MROH1: variants seen among roughly 807,000 people sequenced by gnomAD.
The protein encoded by MROH1 is maestro heat-like repeat-containing protein family member 1.
In MROH1, 117 loss-of-function variants were observed where a neutral mutation model predicts 116.5. That is an observed-to-expected ratio of 1.00 (90% CI 0.86 to 1.17). The LOEUF (loss-of-function observed/expected upper bound fraction) is 1.17, where lower values mean the gene tolerates loss of function less well. Among genes scored for constraint, MROH1 ranks in the 50% most tolerant of loss-of-function variants. The pLI is 0.00. For missense variants in MROH1, 1,873 were observed against 1,338.5 expected (o/e 1.40, Z -6.23); for synonymous variants, 921 against 583.9 (o/e 1.58, Z -8.32).
rs1047226395 is a variant in MROH1, at chr8:144,240,742, T to C, written c.1935+65T>C. 1.3e-5 allele frequency: 9 copies of C among 704,514 alleles called. No individual in the cohort carries two copies. The African/African-American group carries it at 1.4e-4, about 11-fold the overall frequency. 43.6% of individuals were successfully genotyped at this position (704,514 alleles called of 1,614,324 possible). A position where few individuals can be genotyped will look rare whatever the true frequency, so the allele number is the denominator to read the frequency against. On this transcript the variant is annotated intron_variant, in intron 20 of 43. Coordinates refer to ENST00000326134, the MANE Select transcript of MROH1 (RefSeq NM_032450.3). ...TCCGAGTTTCTGGGTCTCGTGTCTG[T>C]CACTTGCTGTCTGGGCCCTGTCTCC...
chr8:144,192,784 G>T (rs919323797), intron 10 of MROH1: 74 of 371,836 alleles, frequency 2.0e-4, no homozygotes, highest in African/African-American at 1.4e-3. Flanking sequence ...TGCAGGACGG[G>T]GGTCTTGAAG....
At chr8:144,197,961 A>G (rs7387320) in intron 10 of MROH1, among the ~76,000 whole-genome samples, 125,796 of 147,602 alleles carry the variant, frequency 0.85, 55,884 homozygotes, top group East Asian at 1. Context: ...GAGGCTGAGA[A>G]TTGCTTGAAC....
At chr8:144,227,393 T>G (rs2132529278) in intron 14 of MROH1, among the ~76,000 whole-genome samples, 1 of 152,256 alleles carries the variant, frequency 6.6e-6, no homozygotes, top group African/African-American at 2.4e-5. Flanking sequence ...CCCAGCACTT[T>G]GGGAGGCTGA....
intron 4 of MROH1, among the ~76,000 whole-genome samples, chr8:144,178,664 C>T (rs1448877370): frequency 6.6e-6 from 1 of 152,134 alleles, no homozygotes; most frequent in African/African-American, 2.4e-5. Flanking sequence ...TTGCCTGGTG[C>T]AGGCTGCTCT....
chr8:144,174,249 A>G (rs547839129), intron 4 of MROH1, among the ~76,000 whole-genome samples: 2 of 152,222 alleles, frequency 1.3e-5, no homozygotes, highest in East Asian at 1.9e-4. Flanking sequence ...CAGGCTCTCA[A>G]TCTGGTCCCA....
At chr8:144,151,813 C>T (rs1816868331) in intron 1 of MROH1, among the ~76,000 whole-genome samples, 1 of 152,350 alleles carries the variant, frequency 6.6e-6, no homozygotes, top group Admixed American at 6.5e-5. Context: ...GGCAGCGGGG[C>T]ACTGAAGAAG....
At chr8:144,166,539 T>G (rs1186091320) in intron 3 of MROH1, among the ~76,000 whole-genome samples, 1 of 152,186 alleles carries the variant, frequency 6.6e-6, no homozygotes, top group Non-Finnish European at 1.5e-5. Context: ...CACTTGTCCC[T>G]GCTCCCTAGA....
intron 22 of MROH1, 106 bp from the exon 23 acceptor site, chr8:144,242,263 C>T: frequency 1.3e-6 from 1 of 775,682 alleles, no homozygotes; most frequent in Non-Finnish European, 2.4e-6. Context: ...CACTGACTGG[C>T]TCTGGCCCTT....
chr8:144,239,392 A>T, intron 17 of MROH1, 29 bp downstream of exon 17: 2 of 780,162 alleles, frequency 2.6e-6, no homozygotes, highest in Non-Finnish European at 4.8e-6. Context: ...CAGCGTGCCC[A>T]GCGCCCCACT....
intron 7 of MROH1, among the ~76,000 whole-genome samples, chr8:144,184,244 T>C (rs538173522): frequency 3.2e-4 from 49 of 152,300 alleles, no homozygotes; most frequent in African/African-American, 1.2e-3. Flanking sequence ...ACCAGTGTCC[T>C]ACTGAATGTT....
chr8:144,184,414 G>A (rs112844224), intron 7 of MROH1, among the ~76,000 whole-genome samples: 4 of 152,220 alleles, frequency 2.6e-5, no homozygotes, highest in East Asian at 1.9e-4. Flanking sequence ...AAGCACACAC[G>A]TCAGCACACA....
At chr8:144,259,068 G>A (rs1351212458) in intron 36 of MROH1, among the ~76,000 whole-genome samples, 154 bp downstream of exon 36, 1 of 152,160 alleles carries the variant, frequency 6.6e-6, no homozygotes, top group African/African-American at 2.4e-5. Flanking sequence ...GGGGTAGGGA[G>A]GCACCCCTGC....
At chr8:144,216,866 CTT>C (rs1450812212) in intron 12 of MROH1, among the ~76,000 whole-genome samples, 10 of 151,910 alleles carry the variant, frequency 6.6e-5, no homozygotes, top group African/African-American at 2.4e-4. Flanking sequence ...ATTTTTGTAT[CTT>C]TAGTAGAGAC....
chr8:144,157,677 C>CTTTTTTTTTTTTTTT, intron 1 of MROH1, among the ~76,000 whole-genome samples: 1 of 117,942 alleles, frequency 8.5e-6, no homozygotes, highest in East Asian at 2.2e-4. Flanking sequence ...TTCTTTCTTT[C>CTTTTTTTTTTTTTTT]TTTTTTTTTT....
At position 144,258,781 on chromosome 8, in the gene MROH1, G is replaced by A. The variant is rs938072888; in HGVS notation, c.3796G>A (p.Ala1266Thr). The A allele has an allele frequency of 5.2e-6, 4 of 767,544 alleles. No homozygotes were observed. Among genetic ancestry groups the A allele is most frequent in the Non-Finnish European group, 7.3e-6 (3 of 413,778 alleles). 47.5% of individuals were successfully genotyped at this position (767,544 alleles called of 1,614,324 possible). A position where few individuals can be genotyped will look rare whatever the true frequency, so the allele number is the denominator to read the frequency against. The change falls in exon 36 of 44, where the codon GCA becomes ACA. Residue 1266 changes from alanine to threonine, a missense_variant. By Grantham distance (58) the Ala-to-Thr change is moderately conservative (BLOSUM62 0). Transcript: ENST00000326134. ...AGCACCCTGGCAATCCTGCAGCTCT[G>A]CAGTGGACACCCTGCGGTCCATGCT... is the stretch of plus-strand genomic sequence containing the variant. Reference protein sequence around the residue: ...ATRNLEPCSSAVDTLRSMLLR... With the variant: ...ATRNLEPCSSTVDTLRSMLLR...
At position 144,259,877 on chromosome 8, in the gene MROH1, G is replaced by C. The variant is rs914329967; in HGVS notation, c.4045-34G>C. On this transcript the variant is annotated intron_variant, in intron 37 of 43. Coordinates refer to ENST00000326134, the MANE Select transcript of MROH1 (RefSeq NM_032450.3). ...TGGTGGGTTGAGCCCTGGGGTCAGC[G>C]GGGAGAGGGAAGTCACAGCACCTCT... The C allele has an allele frequency of 1.2e-4, 90 of 722,828 alleles. 1 individual carries two copies. Among genetic ancestry groups the C allele is most frequent in the Non-Finnish European group, 1.3e-5 (5 of 389,502 alleles). 44.8% of individuals were successfully genotyped at this position (722,828 alleles called of 1,614,324 possible).
intron 12 of MROH1, 85 bp downstream of exon 12, chr8:144,200,626 G>A (rs1322605826): frequency 5.3e-6 from 5 of 946,220 alleles, no homozygotes; most frequent in Non-Finnish European, 8.2e-6. Context: ...CCCTCTAAGT[G>A]AAAGCACCAT....
Position 144,258,835 on chromosome 8 carries a change from C to T in MROH1, c.3850C>T (p.Gln1284Ter). 2.6e-6 allele frequency: 2 copies of T among 769,448 alleles called. No homozygotes were observed. The highest frequency in any genetic ancestry group is 4.8e-6 in the Non-Finnish European group (2 of 414,446). The allele number at this position is 769,448 out of a possible 1,614,324, so 47.7% of individuals were successfully genotyped here. The change falls in exon 36 of 44, where the codon CAG becomes TAG. Residue 1284 changes from glutamine to a stop codon, truncating the protein, a stop_gained. Transcript: ENST00000326134. LOFTEE classifies it high-confidence loss of function. The stretch of plus-strand genomic sequence containing the variant: ...CCGCAGCGGCAGCGAGGATGTGGTA[C>T]AGCGCATGGACCTGGAGGGAGGCTG... ...LLRSGSEDVV[Q>*]RMDLEGGWEL... is the part of the protein sequence containing the mutation.
intron 32 of MROH1, among the ~76,000 whole-genome samples, chr8:144,249,702 GC>G (rs34695721): frequency 0.52 from 79,523 of 151,804 alleles, 21,161 homozygotes; most frequent in African/African-American, 0.55. Flanking sequence ...CAAACTCACA[GC>G]CCCCCCCAAG....
Sources: gnomAD v4.1 joint callset for allele counts (sites outside exome capture counted in the v4.1 genomes callset) on GRCh38, gnomAD v4.1.1 for gene constraint, MANE v1.5 for transcripts, NCBI Gene and HGNC (gene_info 2026-07-23, HGNC 2026-07-21) for gene names.